The following SPTLC2 variants were observed in gnomAD, a reference collection of about 807,000 sequenced individuals.
SPTLC2 encodes the protein serine palmitoyltransferase 2.
SPTLC2 carries 21 observed loss-of-function variants against 62.0 expected under a neutral mutation model. The ratio of observed to expected loss-of-function variants is 0.34; its 90% CI spans 0.24 to 0.49. The LOEUF is 0.49. Ranked by LOEUF, SPTLC2 falls within the 20% of genes least tolerant of loss-of-function variation. The pLI is 0.99. For missense variants in SPTLC2, 511 were observed against 713.0 expected (o/e 0.72, Z 3.23); for synonymous variants, 261 against 261.8 (o/e 1.00, Z 0.03).
intron 5 of SPTLC2, among the ~76,000 whole-genome samples, chr14:77,570,015 C>T (rs11159279): frequency 0.56 from 83,529 of 148,856 alleles, 24,514 homozygotes; most frequent in East Asian, 0.91. Context: ...CGAGGCCTCA[C>T]TATGTTGCCC....
intron 1 of SPTLC2, among the ~76,000 whole-genome samples, chr14:77,607,821 C>T (rs1222765071): frequency 6.6e-6 from 1 of 152,142 alleles, no homozygotes; most frequent in Non-Finnish European, 1.5e-5. Context: ...ACCTGCTTGC[C>T]TATGTAAAAG....
At chr14:77,608,231 G>C (rs1362989970) in intron 1 of SPTLC2, among the ~76,000 whole-genome samples, 1 of 152,106 alleles carries the variant, frequency 6.6e-6, no homozygotes, top group Non-Finnish European at 1.5e-5. Flanking sequence ...AACCGCTATT[G>C]TTTTAAACCA....
intron 1 of SPTLC2, among the ~76,000 whole-genome samples, chr14:77,611,963 A>G (rs532953122): frequency 2.6e-5 from 4 of 152,400 alleles, no homozygotes; most frequent in Non-Finnish European, 4.4e-5. Flanking sequence ...TGCAATAAAA[A>G]GTAGTCTTAA....
Position 77,509,558 on chromosome 14 carries a change from T to A in SPTLC2, c.*2726A>T. 1 of 239,332 alleles carries A rather than the reference T, an allele frequency of 4.2e-6. No individual in the cohort carries two copies. The highest frequency in any genetic ancestry group is 7.8e-5 in the East Asian group (1 of 12,750). The allele number at this position is 239,332 out of a possible 1,614,324, so 14.8% of individuals were successfully genotyped here. A position where few individuals can be genotyped will look rare whatever the true frequency, so the allele number is the denominator to read the frequency against. On this transcript the variant is annotated 3_prime_UTR_variant, in exon 12 of 12. Transcript: ENST00000216484. ...CATGGTTAACCGGTATCTGTTTGAA[T>A]CCTATCAGAGTCTTGAATCAGGCCG...
In SPTLC2 at chr14:77,507,879, A is replaced by G. The variant is rs1267497601; in HGVS notation, c.*4405T>C. The G allele has an allele frequency of 6.6e-6, 1 of 152,158 alleles. No individual in the cohort carries two copies. Among genetic ancestry groups the G allele is most frequent in the African/African-American group, 2.4e-5 (1 of 41,434 alleles). The allele number at this position is 152,158 out of a possible 1,614,324, so 9.4% of individuals were successfully genotyped here. On this transcript the variant is annotated 3_prime_UTR_variant, in exon 12 of 12. Transcript: ENST00000216484. The stretch of plus-strand genomic sequence containing the variant: ...TCCCCATTCACAACCCCTTTGGGCT[A>G]AGCTGATTTAAAAAACATTTTTTTC...
rs139752889 is a variant in SPTLC2 at position 77,565,526 on chromosome 14, T to A, written c.757-3037A>T. On this transcript the variant is annotated intron_variant, in intron 5 of 11. Transcript: ENST00000216484. ...CATGATTCACTGAGAATGGTATCAC[T>A]TCTGTGGTAGCTTTCTCAATAACGC... 9.5e-3 allele frequency among the ~76,000 whole-genome samples: 1,447 copies of A among 152,226 alleles called. 38 individuals carry two copies. Among genetic ancestry groups the A allele is most frequent in the African/African-American group, 0.033 (1,377 of 41,534 alleles).
chr14:77,578,727 A>C, intron 3 of SPTLC2: 1 of 456,930 alleles, frequency 2.2e-6, no homozygotes, highest in Non-Finnish European at 3.9e-6. Flanking sequence ...CTCAAAAAAT[A>C]AATAAGCCAA....
At chr14:77,560,634 T>C (rs919998302) in intron 6 of SPTLC2, among the ~76,000 whole-genome samples, 3 of 147,418 alleles carry the variant, frequency 2.0e-5, no homozygotes, top group African/African-American at 7.8e-5. Context: ...AATAAAAATA[T>C]ATATATATAT....
At chr14:77,609,226 G>T (rs1026407684) in intron 1 of SPTLC2, among the ~76,000 whole-genome samples, 2 of 152,102 alleles carry the variant, frequency 1.3e-5, no homozygotes, top group African/African-American at 2.4e-5. Context: ...TTCCTCCTCA[G>T]AAGAATTGGG....
In SPTLC2 at chr14:77,535,905, C is replaced by G. The variant is rs548360391; in HGVS notation, c.1304-14324G>C. Reference sequence around the variant, plus strand: ...GACAGGTTCAAAGATATTAAGGAAGCATGATCCATAGGCACTGGTGACTAA... The same window carrying G: ...GACAGGTTCAAAGATATTAAGGAAGGATGATCCATAGGCACTGGTGACTAA... On this transcript the variant is annotated intron_variant, in intron 9 of 11. Coordinates refer to ENST00000216484, the MANE Select transcript of SPTLC2 (RefSeq NM_004863.4). 10 of 448,440 alleles carry G rather than the reference C, an allele frequency of 2.2e-5. No individual in the cohort carries two copies. The East Asian group carries it at 7.1e-4, about 32-fold the overall frequency. The allele number at this position is 448,440 out of a possible 1,614,324, so 27.8% of individuals were successfully genotyped here.
chr14:77,543,908 T>C (rs1443167193), intron 9 of SPTLC2, among the ~76,000 whole-genome samples: 1 of 152,166 alleles, frequency 6.6e-6, no homozygotes, highest in African/African-American at 2.4e-5. Flanking sequence ...AACATCTCCC[T>C]CATTTGTATC....
At chr14:77,553,841 G>A (rs1352426449) in intron 8 of SPTLC2, among the ~76,000 whole-genome samples, 1 of 151,748 alleles carries the variant, frequency 6.6e-6, no homozygotes, top group East Asian at 1.9e-4. Flanking sequence ...CTGTGATAGG[G>A]TCTTGCTCTG....
At chr14:77,519,821 C>A (rs2079377260) in intron 10 of SPTLC2, among the ~76,000 whole-genome samples, 1 of 152,120 alleles carries the variant, frequency 6.6e-6, no homozygotes, top group South Asian at 2.1e-4. Flanking sequence ...ACCTGGGTGC[C>A]CTGTATCTTC....
chr14:77,591,726 G>GTATATATT (rs1555377445), intron 2 of SPTLC2, among the ~76,000 whole-genome samples: 5 of 63,744 alleles, frequency 7.8e-5, no homozygotes, highest in Admixed American at 1.9e-4. Flanking sequence ...ATGTATGTAT[G>GTATATATT]TATGTATTTA....
rs1262128390 is a variant in SPTLC2 at position 77,555,291 on chromosome 14, C to T, written c.1176+9G>A. ...TATCTCTAATCGCTCATTCTCATGGCTCGTTTACCTTCTTGCCTCCAATAT... is the reference window on the plus strand; with the variant it reads ...TATCTCTAATCGCTCATTCTCATGGTTCGTTTACCTTCTTGCCTCCAATAT... On this transcript the variant is annotated intron_variant, in intron 8 of 11. Transcript: ENST00000216484. 1 of 1,613,982 alleles carries T rather than the reference C, an allele frequency of 6.2e-7. No homozygotes were observed. The highest frequency in any genetic ancestry group is 2.2e-5 in the East Asian group (1 of 44,894).
intron 9 of SPTLC2, 175 bp from the exon 10 acceptor site, chr14:77,521,756 A>G: frequency 1.5e-6 from 1 of 664,786 alleles, no homozygotes; most frequent in Non-Finnish European, 2.6e-6. Flanking sequence ...AAAATGTCTC[A>G]TTTTGTATTC....
chr14:77,534,109 G>C (rs944131141), intron 9 of SPTLC2, among the ~76,000 whole-genome samples: 3 of 151,940 alleles, frequency 2.0e-5, no homozygotes, highest in Non-Finnish European at 2.9e-5. Context: ...AGTGAGCTGA[G>C]AGCATGCCGC....
intron 8 of SPTLC2, among the ~76,000 whole-genome samples, chr14:77,554,036 T>C (rs567178388): frequency 2.0e-5 from 3 of 152,270 alleles, no homozygotes; most frequent in South Asian, 2.1e-4. Context: ...CCAGCTGGTA[T>C]TGAACTCCTG....
intron 11 of SPTLC2, among the ~76,000 whole-genome samples, chr14:77,513,772 G>A (rs1444332100): frequency 1.3e-5 from 2 of 151,846 alleles, no homozygotes; most frequent in African/African-American, 4.8e-5. Flanking sequence ...GCACATGCCT[G>A]TAATCCCAGC....
Sources: allele counts gnomAD v4.1 joint callset (sites outside exome capture counted in the v4.1 genomes callset), GRCh38; gene constraint gnomAD v4.1.1; transcripts MANE v1.5; gene names NCBI Gene and HGNC (gene_info 2026-07-23, HGNC 2026-07-21).